The following WDR53 variants were observed in gnomAD, a reference collection of about 807,000 sequenced individuals.
WDR53 encodes the protein WD repeat domain 53, also known as WD repeat-containing protein 53.
A neutral mutation model predicts 21.3 loss-of-function variants in WDR53; 19 were observed. The observed-to-expected ratio is 0.89, with a 90% CI of 0.62 to 1.31. The LOEUF (loss-of-function observed/expected upper bound fraction) is 1.31. Ranked by LOEUF, WDR53 falls within the 50% of genes most tolerant of loss-of-function variation. WDR53 has a pLI of 0.00. For synonymous variants in WDR53, 157 were observed against 163.4 expected (o/e 0.96, Z 0.30); for missense variants, 374 against 423.2 (o/e 0.88, Z 1.02).
intron 3 of WDR53, among the ~76,000 whole-genome samples, chr3:196,557,899 C>G (rs1368801098): frequency 6.6e-6 from 1 of 151,366 alleles, no homozygotes; most frequent in Admixed American, 6.6e-5. Flanking sequence ...CGTCTCAGCC[C>G]CCCAAGTAGC....
intron 3 of WDR53, among the ~76,000 whole-genome samples, chr3:196,557,890 G>A (rs551936476): frequency 2.7e-4 from 40 of 149,144 alleles, no homozygotes; most frequent in Admixed American, 2.4e-3. Context: ...CAATTCTCCC[G>A]TCTCAGCCCC....
rs2108692782 is a variant in WDR53 at position 196,560,983 on chromosome 3, G to A, written c.480+13C>T. 6.2e-7 allele frequency: 1 copy of A among 1,602,966 alleles called. No homozygotes were observed. The highest frequency in any genetic ancestry group is 8.5e-7 in the Non-Finnish European group (1 of 1,174,450). On this transcript the variant is annotated intron_variant, in intron 3 of 3. Coordinates refer to ENST00000332629, the MANE Select transcript of WDR53 (RefSeq NM_182627.3). ...CTTAGAAATTCCCCAAGTACTCTGT[G>A]CAAAAGCATCACCTGCATATCCAGT...
chr3:196,558,081 G>T (rs550692648), intron 3 of WDR53, among the ~76,000 whole-genome samples: 1 of 151,938 alleles, frequency 6.6e-6, no homozygotes, highest in Non-Finnish European at 1.5e-5. Context: ...CTGGCCTAAT[G>T]TTATCCTTTA....
intron 2 of WDR53, among the ~76,000 whole-genome samples, 168 bp from the exon 3 acceptor site, chr3:196,561,659 A>G (rs1734888188): frequency 6.6e-6 from 1 of 152,154 alleles, no homozygotes. Flanking sequence ...ACATCTCCAA[A>G]AGCCTAGCTG....
chr3:196,555,838 C>T lies in WDR53; in HGVS notation c.481-1031G>A, dbSNP rs528988810. Among the ~76,000 whole-genome samples, 12 of 152,030 alleles carry T rather than the reference C, an allele frequency of 7.9e-5. No homozygotes were observed. In the East Asian group the frequency reaches 2.3e-3, roughly 29 times the overall value. Reference sequence around the variant, plus strand: ...CTTCCCTTATGATTATTCTCAGTGGCCTATTTTCAAAAGCAGTGACATCTA... The same window carrying T: ...CTTCCCTTATGATTATTCTCAGTGGTCTATTTTCAAAAGCAGTGACATCTA... On this transcript the variant is annotated intron_variant, in intron 3 of 3. Transcript: ENST00000332629.
At chr3:196,567,412 A>C in intron 1 of WDR53, 105 bp from the exon 2 acceptor site, 1 of 354,630 alleles carries the variant, frequency 2.8e-6, no homozygotes, top group South Asian at 2.1e-5. Flanking sequence ...AGGGTAGGGA[A>C]GGTAGCCACC....
At chr3:196,564,422 C>G (rs1735185180) in intron 2 of WDR53, among the ~76,000 whole-genome samples, 1 of 121,322 alleles carries the variant, frequency 8.2e-6, no homozygotes, top group Admixed American at 9.9e-5. Flanking sequence ...GAGACAGGGT[C>G]TTGCTCTGTC....
intron 2 of WDR53, among the ~76,000 whole-genome samples, chr3:196,565,559 G>A (rs9821253): frequency 0.42 from 62,312 of 147,726 alleles, 13,567 homozygotes; most frequent in Middle Eastern, 0.52. Context: ...GAGTCGGGGT[G>A]AGGGGGCAGG....
chr3:196,555,145 G>C (rs1032446315), intron 3 of WDR53, among the ~76,000 whole-genome samples: 6 of 152,170 alleles, frequency 3.9e-5, no homozygotes, highest in African/African-American at 1.4e-4. Context: ...TATCAAATTT[G>C]CTAGTTTTAG....
Position 196,554,814 on chromosome 3 carries a change from A to T in WDR53, c.481-7T>A, listed in dbSNP as rs986814681. The T allele has an allele frequency of 1.9e-6, 3 of 1,600,862 alleles. No individual in the cohort carries two copies. Among genetic ancestry groups the T allele is most frequent in the Non-Finnish European group, 1.7e-6 (2 of 1,172,104 alleles). On this transcript the variant is annotated splice_region_variant and splice_polypyrimidine_tract_variant and intron_variant, in intron 3 of 3. Transcript: ENST00000332629. ...GAAGACTCCACAGCATCACCTTTAC[A>T]TAAGAAGAAATTACACAGTCATACA...
rs147711188 is a variant in WDR53 at position 196,567,327 on chromosome 3, T to C, written c.-447-20A>G. ...CTGGCACTGGTAAGAATGAAAAGAATTAGGGTTACTGGACTTGGTGAAAAA... is the reference window on the plus strand; with the variant it reads ...CTGGCACTGGTAAGAATGAAAAGAACTAGGGTTACTGGACTTGGTGAAAAA... On this transcript the variant is annotated intron_variant, in intron 1 of 3. Transcript: ENST00000332629. 1 of 435,366 alleles carries C rather than the reference T, an allele frequency of 2.3e-6. No homozygotes were observed. The highest frequency in any genetic ancestry group is 4.6e-6 in the Non-Finnish European group (1 of 217,542). 27.0% of individuals were successfully genotyped at this position (435,366 alleles called of 1,614,324 possible).
At position 196,554,336 on chromosome 3, in the gene WDR53, T is replaced by A; in HGVS notation, c.952A>T (p.Lys318Ter). The A allele has an allele frequency of 6.2e-7, 1 of 1,614,208 alleles. No individual in the cohort carries two copies. The highest frequency in any genetic ancestry group is 8.5e-7 in the Non-Finnish European group (1 of 1,180,020). Residue 318 changes from lysine (K) to a stop codon, truncating the protein, a stop_gained, in exon 4 of 4, where the codon AAG (lysine) becomes TAG (stop). Coordinates refer to ENST00000332629, the MANE Select transcript of WDR53 (RefSeq NM_182627.3). LOFTEE classifies it high-confidence loss of function. ...TTTTCTCCATGTTCAATATTTAGCT[T>A]TGGTAAAATGTTGCCATGTTCTTCC... Reference protein sequence around the residue: ...DEEEHGNILPKLNIEHGEKVN... With the variant: ...DEEEHGNILP
chr3:196,560,218 G>C (rs1287893460), intron 3 of WDR53, among the ~76,000 whole-genome samples: 36 of 151,498 alleles, frequency 2.4e-4, no homozygotes, highest in Admixed American at 2.3e-3. Flanking sequence ...CTCTGTATTT[G>C]GGCAATTTGT....
intron 2 of WDR53, among the ~76,000 whole-genome samples, chr3:196,562,121 T>C (rs982635034): frequency 1.3e-5 from 2 of 152,208 alleles, no homozygotes; most frequent in Non-Finnish European, 2.9e-5. Flanking sequence ...ACTGCACCAG[T>C]ACTCTCAAAG....
Position 196,561,136 on chromosome 3 carries a change from C to T in WDR53, c.340G>A (p.Asp114Asn). 4.3e-6 allele frequency: 7 copies of T among 1,614,158 alleles called. No homozygotes were observed. Among genetic ancestry groups the T allele is most frequent in the Non-Finnish European group, 5.9e-6 (7 of 1,180,044 alleles). Residue 114 changes from aspartate to asparagine, a missense_variant, in exon 3 of 4, where the codon GAC becomes AAC. Transcript: ENST00000332629. ...TCTAGGATTTTGATTGCCCCAGAGT[C>T]GTCAGCAGAAGCCAGCAGGTTTTCC... ...QTENLLASAD[D>N]SGAIKILDLE... is the part of the protein sequence containing the mutation.
chr3:196,559,693 C>A (rs896900437), intron 3 of WDR53, among the ~76,000 whole-genome samples: 10 of 152,136 alleles, frequency 6.6e-5, no homozygotes, highest in African/African-American at 2.4e-4. Flanking sequence ...CGGTCATTCA[C>A]AATGGTTCTC....
At position 196,568,139 on chromosome 3, in the gene WDR53, C is replaced by T. The variant is rs190692856; in HGVS notation, c.-448+380G>A. ...AAAAGACGGCAGCACTTAATTAGCG[C>T]TCAAATGGCACTCGAACGTTTGGGC... is the stretch of plus-strand genomic sequence containing the variant. On this transcript the variant is annotated intron_variant, in intron 1 of 3. Coordinates refer to ENST00000332629, the MANE Select transcript of WDR53 (RefSeq NM_182627.3). Among the ~76,000 whole-genome samples the T allele has an allele frequency of 1.4e-4, 22 of 152,282 alleles. No individual in the cohort carries two copies. The East Asian group carries it at 4.2e-3, about 29-fold the overall frequency.
At chr3:196,567,945 C>T (rs191996775) in intron 1 of WDR53, among the ~76,000 whole-genome samples, 10 of 152,232 alleles carry the variant, frequency 6.6e-5, no homozygotes, top group Non-Finnish European at 1.0e-4. Flanking sequence ...AGCGACACTG[C>T]CTCGCAATGT....
chr3:196,563,987 T>C (rs1357501035), intron 2 of WDR53, among the ~76,000 whole-genome samples: 1 of 152,114 alleles, frequency 6.6e-6, no homozygotes, highest in Non-Finnish European at 1.5e-5. Context: ...GAAATGTTCA[T>C]AAAAATAACA....
Sources: gnomAD v4.1 joint callset for allele counts (sites outside exome capture counted in the v4.1 genomes callset) on GRCh38, gnomAD v4.1.1 for gene constraint, MANE v1.5 for transcripts, NCBI Gene and HGNC (gene_info 2026-07-23, HGNC 2026-07-21) for gene names.